The following PRKCE variants were observed in gnomAD, a reference collection of about 807,000 sequenced individuals.
The protein encoded by PRKCE is protein kinase C epsilon type.
A neutral mutation model predicts 85.4 loss-of-function variants in PRKCE; 16 were observed. That is an observed-to-expected ratio of 0.19 (90% CI 0.13 to 0.28). PRKCE has a LOEUF of 0.28. PRKCE is among the 10% of genes least tolerant of loss of function. PRKCE has a pLI of 1.00. For synonymous variants in PRKCE, 388 were observed against 371.5 expected, an observed-to-expected ratio of 1.04 and a Z score of -0.51; for missense variants, 573 against 975.2, an observed-to-expected ratio of 0.59 and a Z score of 5.49.
intron 2 of PRKCE, among the ~76,000 whole-genome samples, chr2:45,923,779 CT>C (rs1467858079): frequency 2.0e-5 from 3 of 152,058 alleles, no homozygotes; most frequent in Non-Finnish European, 2.9e-5. Flanking sequence ...CTGGGATCAC[CT>C]TGGAGGGTGG....
intron 11 of PRKCE, among the ~76,000 whole-genome samples, chr2:46,103,818 G>T (rs1358074631): frequency 6.6e-6 from 1 of 152,076 alleles, no homozygotes; most frequent in Non-Finnish European, 1.5e-5. Flanking sequence ...CATCATAAAG[G>T]TTTTCATTCT....
intron 2 of PRKCE, among the ~76,000 whole-genome samples, chr2:45,865,067 A>C (rs1025508031): frequency 9.2e-5 from 14 of 152,198 alleles, no homozygotes; most frequent in Admixed American, 8.5e-4. Flanking sequence ...CTCAAACTTT[A>C]TTGTCCATAT....
At chr2:45,692,186 T>A (rs929508986) in intron 1 of PRKCE, among the ~76,000 whole-genome samples, 1 of 152,158 alleles carries the variant, frequency 6.6e-6, no homozygotes, top group Non-Finnish European at 1.5e-5. Context: ...TGTCTTAGTT[T>A]CCCAGGACTG....
Position 45,840,159 on chromosome 2 carries a change from T to A in PRKCE, c.349-2841T>A, listed in dbSNP as rs148501232. On this transcript the variant is annotated intron_variant, in intron 1 of 14. Coordinates refer to ENST00000306156, the MANE Select transcript of PRKCE (RefSeq NM_005400.3). ...TGTACTTTGCCAATAAAGTCCACAG[T>A]CGTGGGAAATCTTTGAGTTGGAGGA... Among the ~76,000 whole-genome samples, 500 of 152,290 alleles carry A rather than the reference T, an allele frequency of 3.3e-3. 1 individual carries two copies. The Middle Eastern group carries it at 0.037, about 11-fold the overall frequency.
At chr2:45,771,702 CGTGTGTGTGTGT>C (rs61209033) in intron 1 of PRKCE, among the ~76,000 whole-genome samples, 5 of 146,814 alleles carry the variant, frequency 3.4e-5, no homozygotes, top group Non-Finnish European at 6.0e-5. Context: ...CAGAGTGGGG[CGTGTGTGTGTGT>C]GTGTGTGTGT....
chr2:45,944,655 A>ATTTTTTTTTTTTTTTTT (rs71394861), intron 2 of PRKCE, among the ~76,000 whole-genome samples: 2 of 75,628 alleles, frequency 2.6e-5, no homozygotes, highest in Non-Finnish European at 4.7e-5. Context: ...TACCCGGCTA[A>ATTTTTTTTTTTTTTTTT]TTTTTTTTTT....
rs1680502175 is a variant in PRKCE at position 46,187,107 on chromosome 2, AT to A, written c.*2227del. ...CATGATAATACTGCCCATCATATTC[AT>A]GTGTAACTACTGTTCTTTCTTCTGC... On this transcript the variant is annotated 3_prime_UTR_variant, in exon 15 of 15. Coordinates refer to ENST00000306156, the MANE Select transcript of PRKCE (RefSeq NM_005400.3). 4 of 152,638 alleles carry A rather than the reference AT, an allele frequency of 2.6e-5. No individual in the cohort carries two copies. The highest frequency in any genetic ancestry group is 9.6e-5 in the African/African-American group (4 of 41,452). The allele number at this position is 152,638 out of a possible 1,614,324, so 9.5% of individuals were successfully genotyped here.
rs189525454 is a variant in PRKCE, at chr2:46,002,656, C to T, written c.966+1110C>T. Among the ~76,000 whole-genome samples the T allele has an allele frequency of 5.1e-3, 775 of 152,292 alleles. 2 individuals are homozygous for T. Among genetic ancestry groups the T allele is most frequent in the Non-Finnish European group, 8.0e-3 (542 of 68,026 alleles). On this transcript the variant is annotated intron_variant, in intron 7 of 14. Transcript: ENST00000306156. ...TGGTTGAGATAACTGAGACTTTGTGCTTTTGGTGGCTCTTCTCAGCTTTGT... is the reference window on the plus strand; with the variant it reads ...TGGTTGAGATAACTGAGACTTTGTGTTTTTGGTGGCTCTTCTCAGCTTTGT...
chr2:46,108,764 T>G (rs79774719), intron 11 of PRKCE, among the ~76,000 whole-genome samples: 3,782 of 152,316 alleles, frequency 0.025, 98 homozygotes, highest in East Asian at 0.1. Flanking sequence ...ATCAAAAACC[T>G]CATCACCAAA....
At chr2:45,810,719 G>A (rs1053652714) in intron 1 of PRKCE, among the ~76,000 whole-genome samples, 1 of 152,142 alleles carries the variant, frequency 6.6e-6, no homozygotes, top group South Asian at 2.1e-4. Context: ...AAGTAGCTGG[G>A]ACTACAGGCA....
chr2:45,758,999 T>C (rs1295884807), intron 1 of PRKCE, among the ~76,000 whole-genome samples: 1 of 152,162 alleles, frequency 6.6e-6, no homozygotes, highest in Non-Finnish European at 1.5e-5. Context: ...ACTCATGAGA[T>C]AGCAGGAGAG....
intron 10 of PRKCE, among the ~76,000 whole-genome samples, chr2:46,022,952 G>A (rs1035143030): frequency 2.6e-4 from 39 of 151,664 alleles, no homozygotes; most frequent in Non-Finnish European, 1.9e-4. Context: ...GCGCGGTGGC[G>A]GGCGCCTGTA....
chr2:45,925,360 G>C (rs1042510275), intron 2 of PRKCE, among the ~76,000 whole-genome samples: 1 of 152,054 alleles, frequency 6.6e-6, no homozygotes, highest in Non-Finnish European at 1.5e-5. Flanking sequence ...GCGATGGCAT[G>C]ATCTTGGCTC....
chr2:45,695,009 T>C (rs1344011537), intron 1 of PRKCE, among the ~76,000 whole-genome samples: 1 of 152,146 alleles, frequency 6.6e-6, no homozygotes, highest in Non-Finnish European at 1.5e-5. Context: ...AACTGCCTCA[T>C]GTAAGATGCA....
chr2:45,808,310 A>G (rs1399354192), intron 1 of PRKCE, among the ~76,000 whole-genome samples: 1 of 152,164 alleles, frequency 6.6e-6, no homozygotes, highest in East Asian at 1.9e-4. Flanking sequence ...TGAATTGACA[A>G]TTGTAGGTTT....
At chr2:46,075,770 G>C (rs545210582) in intron 10 of PRKCE, among the ~76,000 whole-genome samples, 1 of 152,248 alleles carries the variant, frequency 6.6e-6, no homozygotes, top group Admixed American at 6.5e-5. Context: ...ATAAATTATT[G>C]ATAGAATCAA....
intron 10 of PRKCE, among the ~76,000 whole-genome samples, chr2:46,044,241 G>T (rs928785866): frequency 6.6e-6 from 1 of 152,228 alleles, no homozygotes; most frequent in Non-Finnish European, 1.5e-5. Context: ...GAATGAAAAA[G>T]TCTGGGCTTG....
At chr2:45,961,027 A>AT (rs1047168425) in intron 2 of PRKCE, among the ~76,000 whole-genome samples, 1 of 152,152 alleles carries the variant, frequency 6.6e-6, no homozygotes, top group African/African-American at 2.4e-5. Context: ...GGATCACTTT[A>AT]TTTTTTAGAA....
chr2:45,828,893 A>G (rs987598545), intron 1 of PRKCE, among the ~76,000 whole-genome samples: 24 of 152,172 alleles, frequency 1.6e-4, no homozygotes, highest in African/African-American at 2.4e-5. Flanking sequence ...TCTTTAGCAT[A>G]TGTACCTACC....
Sources: gnomAD v4.1 joint callset for allele counts (sites outside exome capture counted in the v4.1 genomes callset) on GRCh38, gnomAD v4.1.1 for gene constraint, MANE v1.5 for transcripts, NCBI Gene and HGNC (gene_info 2026-07-23, HGNC 2026-07-21) for gene names.